The following HIRA variants were observed in gnomAD, a reference collection of about 807,000 sequenced individuals.
HIRA encodes the protein protein HIRA.
In HIRA, 13 loss-of-function variants were observed where a neutral mutation model predicts 126.6. The observed-to-expected ratio is 0.10, with a 90% CI of 0.07 to 0.16. The LOEUF (loss-of-function observed/expected upper bound fraction) is 0.16, where lower values mean the gene tolerates loss of function less well. HIRA is among the 10% of genes least tolerant of loss of function. HIRA has a pLI of 1.00. For synonymous variants in HIRA, 511 were observed against 520.0 expected (o/e 0.98, Z 0.24); for missense variants, 834 against 1,314.4 (o/e 0.63, Z 5.65).
At chr22:19,331,680 C>T (rs1359942130) in intron 24 of HIRA, 124 bp from the exon 25 acceptor site, 4 of 918,342 alleles carry the variant, frequency 4.4e-6, no homozygotes, top group South Asian at 1.6e-5. Context: ...AATTCCTCTG[C>T]AGGTGAGAAA....
chr22:19,384,205 C>A (rs1320309455), intron 12 of HIRA, among the ~76,000 whole-genome samples: 1 of 151,144 alleles, frequency 6.6e-6, no homozygotes, highest in Admixed American at 6.6e-5. Flanking sequence ...GTAATCCCAG[C>A]TACTCAGGAG....
At chr22:19,401,067 C>T (rs1569307800) in intron 5 of HIRA, among the ~76,000 whole-genome samples, 2 of 152,112 alleles carry the variant, frequency 1.3e-5, no homozygotes, top group South Asian at 4.2e-4. Flanking sequence ...TTCTTCTCCT[C>T]CATCTTCCTA....
intron 1 of HIRA, among the ~76,000 whole-genome samples, chr22:19,429,207 G>A (rs1290171344): frequency 2.2e-5 from 3 of 134,956 alleles, no homozygotes; most frequent in Non-Finnish European, 3.1e-5. Context: ...GCGCGATCTC[G>A]GCTCACTGCA....
intron 24 of HIRA, among the ~76,000 whole-genome samples, chr22:19,338,141 C>G (rs1262910984): frequency 6.6e-6 from 1 of 152,064 alleles, no homozygotes; most frequent in Non-Finnish European, 1.5e-5. Flanking sequence ...ACCCTACAAG[C>G]CAGAAGGGTT....
At chr22:19,361,378 A>C (rs1364354881) in intron 16 of HIRA, 37 bp from the exon 17 acceptor site, 22 of 1,562,514 alleles carry the variant, frequency 1.4e-5, no homozygotes, top group Non-Finnish European at 1.9e-5. Context: ...CCTTGCTCTA[A>C]CACTACGGGG....
chr22:19,359,287 C>T, intron 18 of HIRA, 49 bp downstream of exon 18: 1 of 1,485,202 alleles, frequency 6.7e-7, no homozygotes, highest in Admixed American at 2.2e-5. Flanking sequence ...AGAATGATGG[C>T]ATGTGTGCCT....
intron 24 of HIRA, among the ~76,000 whole-genome samples, chr22:19,349,824 C>T (rs2088734435): frequency 6.6e-6 from 1 of 152,182 alleles, no homozygotes; most frequent in African/African-American, 2.4e-5. Flanking sequence ...TTTCACCCTT[C>T]TGCTACCATC....
chr22:19,383,281 A>G (rs949921025), intron 13 of HIRA, among the ~76,000 whole-genome samples: 9 of 152,124 alleles, frequency 5.9e-5, no homozygotes, highest in African/African-American at 1.9e-4. Context: ...TTTCATAATC[A>G]TAAAAATAAC....
chr22:19,357,190 G>C, intron 18 of HIRA, 139 bp from the exon 19 acceptor site: 1 of 971,982 alleles, frequency 1.0e-6, no homozygotes, highest in East Asian at 2.4e-5. Flanking sequence ...AGGGAAGGTG[G>C]ATTGGGTCAG....
In HIRA at chr22:19,370,049, A is replaced by G. The variant is rs572672556; in HGVS notation, c.1775+5582T>C. ...GAGTGCAATGGTACAATCTCGGCTCACTGCAATCTCTGCCTCCTGGGTTCA... is the reference window on the plus strand; with the variant it reads ...GAGTGCAATGGTACAATCTCGGCTCGCTGCAATCTCTGCCTCCTGGGTTCA... On this transcript the variant is annotated intron_variant, in intron 15 of 24. Transcript: ENST00000263208. 1.7e-4 allele frequency among the ~76,000 whole-genome samples: 26 copies of G among 152,308 alleles called. No individual in the cohort carries two copies. The East Asian group carries it at 5.0e-3, about 29-fold the overall frequency.
chr22:19,357,759 A>G (rs2088826546), intron 18 of HIRA, among the ~76,000 whole-genome samples: 2 of 152,110 alleles, frequency 1.3e-5, no homozygotes, highest in South Asian at 4.1e-4. Context: ...ACAGTAGGCC[A>G]CCCAGAGCCC....
intron 5 of HIRA, among the ~76,000 whole-genome samples, chr22:19,399,459 T>C (rs1012171950): frequency 6.6e-6 from 1 of 152,132 alleles, no homozygotes; most frequent in Admixed American, 6.5e-5. Flanking sequence ...CTGCATTCTA[T>C]GTGGTTGAGA....
At chr22:19,399,011 C>A (rs1202924583) in intron 5 of HIRA, 1 of 538,356 alleles carries the variant, frequency 1.9e-6, no homozygotes, top group Non-Finnish European at 2.4e-6. Flanking sequence ...AACCCCAAAA[C>A]CTATCCTCAT....
chr22:19,346,597 A>G (rs1556008968), intron 24 of HIRA, among the ~76,000 whole-genome samples: 1 of 152,208 alleles, frequency 6.6e-6, no homozygotes, highest in Non-Finnish European at 1.5e-5. Context: ...AAACCTGCTC[A>G]TTTTCCCAGC....
chr22:19,430,208 A>G (rs2089520610), intron 1 of HIRA: 1 of 152,244 alleles, frequency 6.6e-6, no homozygotes, highest in African/African-American at 2.4e-5. Context: ...AAGTACCCTC[A>G]CACCTTCCAT....
chr22:19,431,542 A>T lies in HIRA; in HGVS notation c.-66T>A. Reference sequence around the variant, plus strand: ...GTCCCTCAGCGCGCCCGGGCCATGGAGCCACCGCCGCCGCTTCCTCCCGCG... The same window carrying T: ...GTCCCTCAGCGCGCCCGGGCCATGGTGCCACCGCCGCCGCTTCCTCCCGCG... On this transcript the variant is annotated 5_prime_UTR_variant, in exon 1 of 25. Transcript: ENST00000263208. 1 of 1,272,930 alleles carries T rather than the reference A, an allele frequency of 7.9e-7. No individual in the cohort carries two copies. The highest frequency in any genetic ancestry group is 1.0e-6 in the Non-Finnish European group (1 of 995,790). 78.9% of individuals were successfully genotyped at this position (1,272,930 alleles called of 1,614,324 possible). A position where few individuals can be genotyped will look rare whatever the true frequency, so the allele number is the denominator to read the frequency against.
chr22:19,374,271 T>C (rs2088996690), intron 15 of HIRA, among the ~76,000 whole-genome samples: 1 of 151,826 alleles, frequency 6.6e-6, no homozygotes, highest in Non-Finnish European at 1.5e-5. Context: ...GAGGCGGAGG[T>C]TGCAGTGAGC....
chr22:19,405,891 A>G lies in HIRA; in HGVS notation c.303-11T>C. 6.9e-7 allele frequency: 1 copy of G among 1,451,782 alleles called. No individual in the cohort carries two copies. Among genetic ancestry groups the G allele is most frequent in the Admixed American group, 2.5e-5 (1 of 40,650 alleles). 89.9% of individuals were successfully genotyped at this position (1,451,782 alleles called of 1,614,324 possible). A position where few individuals can be genotyped will look rare whatever the true frequency, so the allele number is the denominator to read the frequency against. ...CTGGGGCCGATGTACCTGTGTGAGA[A>G]AGGGGCCAAAAAGGCACTCATGGAG... is the stretch of plus-strand genomic sequence containing the variant. On this transcript the variant is annotated splice_polypyrimidine_tract_variant and intron_variant, in intron 4 of 24. Transcript: ENST00000263208.
intron 11 of HIRA, 99 bp from the exon 12 acceptor site, chr22:19,385,835 G>A: frequency 3.4e-6 from 4 of 1,178,002 alleles, no homozygotes; most frequent in Non-Finnish European, 4.9e-6. Flanking sequence ...TCCTGGCTCT[G>A]AGTGGAGAAG....
Sources: gnomAD v4.1 joint callset for allele counts (sites outside exome capture counted in the v4.1 genomes callset) on GRCh38, gnomAD v4.1.1 for gene constraint, MANE v1.5 for transcripts, NCBI Gene and HGNC (gene_info 2026-07-23, HGNC 2026-07-21) for gene names.